BTBD9: variants seen among roughly 807,000 people sequenced by gnomAD.
The protein encoded by BTBD9 is BTB domain containing 9.
BTBD9 carries 49 observed loss-of-function variants against 64.3 expected under a neutral mutation model. That is an observed-to-expected ratio of 0.76 (90% confidence interval 0.61 to 0.97). BTBD9 has a LOEUF of 0.97. BTBD9 is among the 50% of genes least tolerant of loss of function. BTBD9 has a pLI of 0.00. For missense variants in BTBD9, 598 were observed against 762.1 expected (o/e 0.78, Z 2.53); for synonymous variants, 260 against 274.7 (o/e 0.95, Z 0.53).
chr6:38,233,661 T>C (rs911203410), intron 9 of BTBD9, among the ~76,000 whole-genome samples: 10 of 152,294 alleles, frequency 6.6e-5, no homozygotes, highest in Admixed American at 1.3e-4. Context: ...CAGGAAGCAA[T>C]AGCCCTGCTA....
chr6:38,551,087 G>C (rs2127447576), intron 6 of BTBD9, among the ~76,000 whole-genome samples: 1 of 152,096 alleles, frequency 6.6e-6, no homozygotes. Context: ...TTGCCTATTT[G>C]AAATTGCAAA....
At chr6:38,285,521 G>C (rs1287240738) in intron 8 of BTBD9, among the ~76,000 whole-genome samples, 1 of 152,008 alleles carries the variant, frequency 6.6e-6, no homozygotes, top group Non-Finnish European at 1.5e-5. Flanking sequence ...GGTGGCGGTG[G>C]TGGGGAGGGA....
intron 6 of BTBD9, among the ~76,000 whole-genome samples, chr6:38,555,542 T>C (rs1774976993): frequency 6.6e-6 from 1 of 152,204 alleles, no homozygotes; most frequent in Admixed American, 6.5e-5. Flanking sequence ...AAAATAGTAG[T>C]AGTAGCAGTA....
intron 6 of BTBD9, among the ~76,000 whole-genome samples, chr6:38,382,118 G>A (rs1765959678): frequency 1.3e-5 from 2 of 152,150 alleles, no homozygotes; most frequent in African/African-American, 2.4e-5. Flanking sequence ...GGAAGGCTTG[G>A]TGAAGAAGGA....
intron 6 of BTBD9, among the ~76,000 whole-genome samples, chr6:38,526,287 G>A (rs561225469): frequency 1.3e-5 from 2 of 152,258 alleles, no homozygotes; most frequent in Non-Finnish European, 1.5e-5. Flanking sequence ...GCTTCTAAGT[G>A]GTATTAAGCC....
At chr6:38,190,936 T>C (rs1473016170) in intron 10 of BTBD9, among the ~76,000 whole-genome samples, 1 of 152,202 alleles carries the variant, frequency 6.6e-6, no homozygotes, top group Non-Finnish European at 1.5e-5. Flanking sequence ...ATTTCAGGGT[T>C]CCATTTGGGA....
chr6:38,350,396 C>T (rs1219759832), intron 6 of BTBD9, among the ~76,000 whole-genome samples: 1 of 152,138 alleles, frequency 6.6e-6, no homozygotes, highest in African/African-American at 2.4e-5. Flanking sequence ...ACTTTAAACC[C>T]GTGGTATTCC....
intron 6 of BTBD9, among the ~76,000 whole-genome samples, chr6:38,523,822 G>C (rs775838680): frequency 1.3e-5 from 2 of 152,280 alleles, no homozygotes; most frequent in Non-Finnish European, 2.9e-5. Flanking sequence ...TGGGGAAACA[G>C]AGGCACAGAA....
chr6:38,203,773 G>A (rs1222129790), intron 9 of BTBD9, among the ~76,000 whole-genome samples: 2 of 151,386 alleles, frequency 1.3e-5, no homozygotes, highest in Non-Finnish European at 1.5e-5. Context: ...AGGGGGAAAT[G>A]AAGAAAGGGG....
chr6:38,626,265 T>C (rs886493030), intron 1 of BTBD9, among the ~76,000 whole-genome samples: 1 of 152,336 alleles, frequency 6.6e-6, no homozygotes, highest in Middle Eastern at 3.4e-3. Context: ...TCATGGAAAA[T>C]GGGGTATCCA....
At chr6:38,305,523 C>T (rs1762595061) in intron 7 of BTBD9, among the ~76,000 whole-genome samples, 2 of 152,168 alleles carry the variant, frequency 1.3e-5, no homozygotes, top group Non-Finnish European at 1.5e-5. Context: ...CACTCTGTTG[C>T]CCAGGCTGGA....
intron 9 of BTBD9, among the ~76,000 whole-genome samples, chr6:38,194,108 C>A (rs1439328941): frequency 3.3e-5 from 5 of 152,132 alleles, no homozygotes; most frequent in Admixed American, 6.5e-5. Flanking sequence ...AGACCCCCAG[C>A]TCTCTTGGGG....
chr6:38,318,140 C>T (rs1260120410), intron 7 of BTBD9, among the ~76,000 whole-genome samples: 4 of 152,120 alleles, frequency 2.6e-5, no homozygotes, highest in Non-Finnish European at 5.9e-5. Context: ...GGTGATCCAC[C>T]CGCCTCAGCC....
chr6:38,350,107 G>A lies in BTBD9; in HGVS notation c.1155-5014C>T, dbSNP rs150993845. Among the ~76,000 whole-genome samples the A allele has an allele frequency of 1.1e-4, 17 of 152,182 alleles. No homozygotes were observed. In the East Asian group the frequency reaches 3.1e-3, roughly 28 times the overall value. On this transcript the variant is annotated intron_variant, in intron 6 of 10. Coordinates refer to ENST00000481247, the MANE Select transcript of BTBD9 (RefSeq NM_001099272.2). ...TCCAGCTAACCATACCCAGTGACGT[G>A]GTTCTTTTTTTGTAAGCCCTGGAAG...
At chr6:38,253,050 G>T (rs190743172) in intron 9 of BTBD9, among the ~76,000 whole-genome samples, 1 of 152,236 alleles carries the variant, frequency 6.6e-6, no homozygotes, top group African/African-American at 2.4e-5. Context: ...GGAGGCGGAG[G>T]TTCCAGTGAG....
At chr6:38,514,957 G>A (rs554321027) in intron 6 of BTBD9, among the ~76,000 whole-genome samples, 1 of 152,232 alleles carries the variant, frequency 6.6e-6, no homozygotes, top group African/African-American at 2.4e-5. Context: ...ATGTAGCCAA[G>A]AAGAACCTAA....
At position 38,301,417 on chromosome 6, in the gene BTBD9, G is replaced by A. The variant is rs572098150; in HGVS notation, c.1265-12956C>T. On this transcript the variant is annotated intron_variant, in intron 7 of 10. Transcript: ENST00000481247. ...ATTCCCTCTTTTTCTGTTGATTGGAGTAGTTTCAGAAGGAATGGTACCAGC... is the reference window on the plus strand; with the variant it reads ...ATTCCCTCTTTTTCTGTTGATTGGAATAGTTTCAGAAGGAATGGTACCAGC... Among the ~76,000 whole-genome samples, 469 of 152,216 alleles carry A rather than the reference G, an allele frequency of 3.1e-3. 2 individuals are homozygous for A. The highest frequency in any genetic ancestry group is 0.011 in the African/African-American group (451 of 41,556).
At chr6:38,569,324 G>A (rs927318460) in intron 6 of BTBD9, among the ~76,000 whole-genome samples, 2 of 152,170 alleles carry the variant, frequency 1.3e-5, no homozygotes, top group African/African-American at 2.4e-5. Flanking sequence ...TGTTTCTTGC[G>A]TGAATGTCTG....
At chr6:38,608,086 G>T (rs1421005784) in intron 1 of BTBD9, among the ~76,000 whole-genome samples, 2 of 151,990 alleles carry the variant, frequency 1.3e-5, no homozygotes, top group Non-Finnish European at 2.9e-5. Flanking sequence ...ACCTTATTCA[G>T]TCACAAACAT....
Sources: gnomAD v4.1 joint callset for allele counts (sites outside exome capture counted in the v4.1 genomes callset) on GRCh38, gnomAD v4.1.1 for gene constraint, MANE v1.5 for transcripts, NCBI Gene and HGNC (gene_info 2026-07-23, HGNC 2026-07-21) for gene names.